ALKBH3: variants seen among roughly 807,000 people sequenced by gnomAD.
ALKBH3 encodes alkB homolog 3, alpha-ketoglutarate dependent dioxygenase.
In ALKBH3, 51 loss-of-function variants were observed where a neutral mutation model predicts 43.9. That is an observed-to-expected ratio of 1.16 (90% CI 0.93 to 1.47). ALKBH3 has a LOEUF of 1.47. Among genes scored for constraint, ALKBH3 ranks in the 40% most tolerant of loss-of-function variants. The pLI is 0.00. For synonymous variants in ALKBH3, 102 were observed against 115.2 expected (o/e 0.89, Z 0.73); for missense variants, 361 against 351.9 (o/e 1.03, Z -0.21).
At chr11:43,907,283 T>A (rs1339422239) in intron 8 of ALKBH3, among the ~76,000 whole-genome samples, 2 of 152,114 alleles carry the variant, frequency 1.3e-5, no homozygotes, top group African/African-American at 2.4e-5. Context: ...ACTTGAATTA[T>A]CTTCAGACTT....
intron 2 of ALKBH3, 59 bp downstream of exon 2, chr11:43,882,790 A>G (rs185491045): frequency 6.7e-7 from 1 of 1,492,676 alleles, no homozygotes. Context: ...ATTCTCTTTT[A>G]TTTATATCCT....
chr11:43,900,215 A>AATTTTTTTTT lies in ALKBH3; in HGVS notation c.460-1301_460-1300insATTTTTTTTT, dbSNP rs1554976906. On this transcript the variant is annotated intron_variant, in intron 7 of 9. Transcript: ENST00000302708. Reference sequence around the variant, plus strand: ...ATTGCATTTTTTTTATTTTAATTTAATTTTTTTTTTTTTTTTTTTTTTTTT... The same window carrying AATTTTTTTTT: ...ATTGCATTTTTTTTATTTTAATTTAAATTTTTTTTTTTTTTTTTTTTTTTTTTTTTTTTTT... Among the ~76,000 whole-genome samples, 18 of 87,154 alleles carry AATTTTTTTTT rather than the reference A, an allele frequency of 2.1e-4. 1 individual carries two copies. Among genetic ancestry groups the AATTTTTTTTT allele is most frequent in the East Asian group, 7.3e-4 (2 of 2,732 alleles). 57.2% of individuals were successfully genotyped at this position (87,154 alleles called of 152,430 possible). A position where few individuals can be genotyped will look rare whatever the true frequency, so the allele number is the denominator to read the frequency against.
In ALKBH3 at chr11:43,882,564, G is replaced by T. The variant is rs1040688650; in HGVS notation, c.-70-19G>T. 2 of 1,230,314 alleles carry T rather than the reference G, an allele frequency of 1.6e-6. No individual in the cohort carries two copies. The highest frequency in any genetic ancestry group is 1.5e-5 in the African/African-American group (1 of 65,474). 76.2% of individuals were successfully genotyped at this position (1,230,314 alleles called of 1,614,324 possible). ...CAATCCTAACTAAAAGCACTGTTTTGTTTTGTTTTAATAAACAGATACCAT... is the reference window on the plus strand; with the variant it reads ...CAATCCTAACTAAAAGCACTGTTTTTTTTTGTTTTAATAAACAGATACCAT... On this transcript the variant is annotated intron_variant, in intron 1 of 9. Transcript: ENST00000302708.
intron 8 of ALKBH3, among the ~76,000 whole-genome samples, chr11:43,908,692 C>A (rs34537089): frequency 6.6e-6 from 1 of 152,186 alleles, no homozygotes; most frequent in African/African-American, 2.4e-5. Flanking sequence ...TGCTCAAATT[C>A]GGTAACTTCT....
intron 2 of ALKBH3, 54 bp downstream of exon 2, chr11:43,882,785 C>T: frequency 6.6e-7 from 1 of 1,511,240 alleles, no homozygotes; most frequent in Non-Finnish European, 9.0e-7. Flanking sequence ...CTCTCATTCT[C>T]TTTTATTTAT....
At chr11:43,889,682 C>T (rs1362816776) in intron 5 of ALKBH3, 43 bp from the exon 6 acceptor site, 1 of 1,549,498 alleles carries the variant, frequency 6.5e-7, no homozygotes, top group Admixed American at 1.7e-5. Flanking sequence ...TCTAACTTAT[C>T]TTTTCCATGT....
intron 8 of ALKBH3, among the ~76,000 whole-genome samples, chr11:43,917,404 C>T (rs534072838): frequency 9.9e-5 from 15 of 152,276 alleles, no homozygotes; most frequent in African/African-American, 3.6e-4. Flanking sequence ...AAGTGTCTTT[C>T]CTTTCTACTT....
intron 8 of ALKBH3, among the ~76,000 whole-genome samples, chr11:43,911,518 C>G (rs1270113208): frequency 6.6e-6 from 1 of 152,186 alleles, no homozygotes; most frequent in Non-Finnish European, 1.5e-5. Flanking sequence ...GACAACAGGC[C>G]TGGCTGGAGA....
intron 8 of ALKBH3, among the ~76,000 whole-genome samples, chr11:43,902,659 C>T (rs1279071230): frequency 1.3e-5 from 2 of 152,218 alleles, no homozygotes; most frequent in South Asian, 2.1e-4. Flanking sequence ...GCAAGTGGCA[C>T]GATCTCGGCT....
chr11:43,908,797 G>A (rs989671395), intron 8 of ALKBH3, among the ~76,000 whole-genome samples: 1 of 152,180 alleles, frequency 6.6e-6, no homozygotes, highest in African/African-American at 2.4e-5. Context: ...ACATTTCAAT[G>A]TGTGCAGTCC....
At chr11:43,893,325 C>G (rs779463232) in intron 7 of ALKBH3, among the ~76,000 whole-genome samples, 6 of 152,118 alleles carry the variant, frequency 3.9e-5, no homozygotes, top group Non-Finnish European at 8.8e-5. Context: ...GCTGTGACAA[C>G]CAAAACCAAC....
intron 7 of ALKBH3, chr11:43,899,075 T>C (rs569792894): frequency 2.7e-6 from 2 of 751,450 alleles, no homozygotes; most frequent in Non-Finnish European, 5.0e-6. Flanking sequence ...CAGTCACCAC[T>C]TGGAATTTTG....
In ALKBH3 at chr11:43,880,887, C is replaced by CA. The variant is rs1284164955; in HGVS notation, c.-363_-362insA. 6.6e-6 allele frequency: 1 copy of CA among 152,312 alleles called. No homozygotes were observed. The allele number at this position is 152,312 out of a possible 1,614,324, so 9.4% of individuals were successfully genotyped here. ...TGGGTCAGGGGCTGCGAGGGCTGCC[C>CA]CAAGTCCTACCGGGTTTGCACGGGC... On this transcript the variant is annotated 5_prime_UTR_variant, in exon 1 of 10. Coordinates refer to ENST00000302708, the MANE Select transcript of ALKBH3 (RefSeq NM_139178.4).
chr11:43,882,554 G>T, intron 1 of ALKBH3, 29 bp from the exon 2 acceptor site: 3 of 1,082,588 alleles, frequency 2.8e-6, no homozygotes, highest in East Asian at 2.6e-5. Flanking sequence ...CTAACTAAAA[G>T]CACTGTTTTG....
intron 7 of ALKBH3, chr11:43,899,626 A>G: frequency 2.0e-6 from 1 of 493,400 alleles, no homozygotes; most frequent in Non-Finnish European, 3.7e-6. Context: ...AGCCAGCTCC[A>G]CCCTCCCGCC....
intron 8 of ALKBH3, among the ~76,000 whole-genome samples, chr11:43,911,438 G>A (rs1029256348): frequency 6.6e-6 from 1 of 152,130 alleles, no homozygotes; most frequent in Non-Finnish European, 1.5e-5. Flanking sequence ...CTTCTTCTAC[G>A]TGCAAAATCT....
At chr11:43,901,769 T>C in intron 8 of ALKBH3, 44 bp downstream of exon 8, 2 of 1,600,248 alleles carry the variant, frequency 1.2e-6, no homozygotes, top group Non-Finnish European at 1.7e-6. Flanking sequence ...CTCTTATTAG[T>C]CTGTGGAAAA....
chr11:43,894,866 ATGT>A (rs1306820300), intron 7 of ALKBH3, among the ~76,000 whole-genome samples: 1 of 145,244 alleles, frequency 6.9e-6, no homozygotes, highest in Non-Finnish European at 1.5e-5. Flanking sequence ...TGTGGATCTC[ATGT>A]TATGTGTTTT....
Position 43,883,097 on chromosome 11 carries a change from A to C in ALKBH3, c.92A>C (p.Lys31Thr). The C allele has an allele frequency of 2.5e-6, 4 of 1,614,034 alleles. No individual in the cohort carries two copies. Among genetic ancestry groups the C allele is most frequent in the Non-Finnish European group, 3.4e-6 (4 of 1,179,974 alleles). Residue 31 changes from lysine (K) to threonine (T), a missense_variant, in exon 3 of 10, where the codon AAG becomes ACG. Coordinates refer to ENST00000302708, the MANE Select transcript of ALKBH3 (RefSeq NM_139178.4). ...QAIAQPATTA[K>T]SHLHQKPGQT... ...TCTCTTGCTTCAGCTACCACTGCTA[A>C]GAGCCATCTCCACCAGAAGCCTGGC...
Sources: gnomAD v4.1 joint callset for allele counts (sites outside exome capture counted in the v4.1 genomes callset) on GRCh38, gnomAD v4.1.1 for gene constraint, MANE v1.5 for transcripts, NCBI Gene and HGNC (gene_info 2026-07-23, HGNC 2026-07-21) for gene names.